The following EVL variants were observed in gnomAD, a reference collection of about 807,000 sequenced individuals.
EVL encodes the protein ena/VASP-like protein.
EVL carries 21 observed loss-of-function variants against 59.6 expected under a neutral mutation model. That is an observed-to-expected ratio of 0.35 (90% CI 0.25 to 0.51). The LOEUF (loss-of-function observed/expected upper bound fraction) is 0.51. Ranked by LOEUF, EVL falls within the 20% of genes least tolerant of loss-of-function variation. The probability of loss-of-function intolerance (pLI) is 0.97; values close to 1 mark genes in which losing one functional copy is unlikely to be tolerated. For synonymous variants in EVL, 198 were observed against 203.5 expected (o/e 0.97, Z 0.23); for missense variants, 462 against 546.6 (o/e 0.85, Z 1.54).
At chr14:100,095,353 G>C (rs1567014694) in intron 2 of EVL, among the ~76,000 whole-genome samples, 1 of 152,150 alleles carries the variant, frequency 6.6e-6, no homozygotes, top group African/African-American at 2.4e-5. Context: ...TTCTGATAGG[G>C]ACTTACCAGG....
chr14:100,112,566 C>T (rs1344949965), intron 3 of EVL, among the ~76,000 whole-genome samples: 1 of 152,200 alleles, frequency 6.6e-6, no homozygotes, highest in East Asian at 1.9e-4. Flanking sequence ...CTCTACCTCT[C>T]CTCCTTCATC....
intron 1 of EVL, among the ~76,000 whole-genome samples, chr14:100,033,274 TAACACACTTTC>T (rs2061341139): frequency 6.6e-6 from 1 of 152,208 alleles, no homozygotes; most frequent in African/African-American, 2.4e-5. Flanking sequence ...ACAAACAAGG[TAACACACTTTC>T]AAATGTGCCT....
chr14:100,115,965 C>T (rs1887315239), intron 3 of EVL, among the ~76,000 whole-genome samples: 1 of 152,202 alleles, frequency 6.6e-6, no homozygotes, highest in African/African-American at 2.4e-5. Flanking sequence ...CATCAGTGCA[C>T]TGGGGTGGAC....
chr14:100,138,052 G>A (rs542141751), intron 11 of EVL: 150 of 567,292 alleles, frequency 2.6e-4, no homozygotes, highest in African/African-American at 2.4e-3. Flanking sequence ...GCAGGGGGGG[G>A]CCAACATGGA....
chr14:100,133,595 G>A (rs992049028), intron 8 of EVL, among the ~76,000 whole-genome samples: 2 of 152,126 alleles, frequency 1.3e-5, no homozygotes, highest in African/African-American at 4.8e-5. Context: ...TGCCCCACCA[G>A]CCAACTCCCA....
At chr14:100,028,775 C>A (rs1483066696) in intron 1 of EVL, among the ~76,000 whole-genome samples, 1 of 152,216 alleles carries the variant, frequency 6.6e-6, no homozygotes, top group Non-Finnish European at 1.5e-5. Context: ...CACGCCACTG[C>A]ACTCCAGCCT....
intron 3 of EVL, among the ~76,000 whole-genome samples, chr14:100,103,450 C>T (rs532394503): frequency 5.3e-5 from 8 of 152,282 alleles, no homozygotes; most frequent in African/African-American, 1.9e-4. Flanking sequence ...AGTGCTCTCT[C>T]AGCAAAGCTT....
Position 100,114,189 on chromosome 14 carries a change from C to A in EVL, c.359-9350C>A, listed in dbSNP as rs1487037775. ...GAGGGCCGGGGGGGAATCAAATGAG[C>A]CTTACTTCTGTGAGCGGGTGCCAAC... On this transcript the variant is annotated intron_variant, in intron 3 of 13. Transcript: ENST00000392920. The surrounding 1 kb of genome is among the most constrained non-coding windows in gnomAD (Gnocchi z 5.0). Among the ~76,000 whole-genome samples the A allele has an allele frequency of 6.6e-6, 1 of 151,748 alleles. No individual in the cohort carries two copies. Among genetic ancestry groups the A allele is most frequent in the South Asian group, 2.1e-4 (1 of 4,776 alleles).
chr14:100,059,880 T>C (rs1394501024), intron 1 of EVL, among the ~76,000 whole-genome samples: 1 of 152,194 alleles, frequency 6.6e-6, no homozygotes, highest in Non-Finnish European at 1.5e-5. Context: ...TAAAGAAAGA[T>C]AGCATAATCC....
chr14:100,118,612 T>C (rs959619556), intron 3 of EVL, among the ~76,000 whole-genome samples: 10 of 152,110 alleles, frequency 6.6e-5, no homozygotes, highest in African/African-American at 2.4e-4. Flanking sequence ...CTCTCCCCAG[T>C]GAGAAGGGAC....
chr14:100,016,436 C>G (rs2061051031), intron 1 of EVL, among the ~76,000 whole-genome samples: 1 of 152,074 alleles, frequency 6.6e-6, no homozygotes, highest in Non-Finnish European at 1.5e-5. Context: ...GGCTGAAGCA[C>G]GAGAATCACT....
chr14:100,011,008 A>G (rs1328614066), intron 1 of EVL, among the ~76,000 whole-genome samples: 1 of 152,226 alleles, frequency 6.6e-6, no homozygotes, highest in Non-Finnish European at 1.5e-5. Context: ...GATTTGTCCT[A>G]AGAAAACTAA....
At chr14:100,066,041 G>A (rs1400074650) in intron 1 of EVL, among the ~76,000 whole-genome samples, 16 of 152,270 alleles carry the variant, frequency 1.1e-4, no homozygotes, top group Non-Finnish European at 7.4e-5. Flanking sequence ...ATACCAGCCA[G>A]TCTACAAACC....
At chr14:99,994,909 T>C (rs535502706) in intron 1 of EVL, among the ~76,000 whole-genome samples, 2 of 152,354 alleles carry the variant, frequency 1.3e-5, no homozygotes, top group South Asian at 2.1e-4. Context: ...AGGACAGTTT[T>C]GCTGCATGTA....
At chr14:100,054,343 G>A (rs574450995) in intron 1 of EVL, among the ~76,000 whole-genome samples, 5 of 152,236 alleles carry the variant, frequency 3.3e-5, no homozygotes, top group South Asian at 4.1e-4. Context: ...GTGAGCCAGC[G>A]TGCCCGGCTG....
At chr14:100,118,663 C>G (rs1005317577) in intron 3 of EVL, among the ~76,000 whole-genome samples, 4 of 152,222 alleles carry the variant, frequency 2.6e-5, no homozygotes, top group South Asian at 2.1e-4. Context: ...CATATAGACT[C>G]TGCCCTGAGT....
Position 100,124,016 on chromosome 14 carries a change from C to G in EVL, c.422+414C>G, listed in dbSNP as rs1321914753. Among the ~76,000 whole-genome samples, 8 of 152,208 alleles carry G rather than the reference C, an allele frequency of 5.3e-5. No homozygotes were observed. The East Asian group carries it at 1.5e-3, about 29-fold the overall frequency. On this transcript the variant is annotated intron_variant, in intron 4 of 13. Transcript: ENST00000392920. ...GGGGCTAGGGACCATAGGAATGAAC[C>G]CCCTCACCCCATGGAGCTTCTAAAG...
intron 3 of EVL, chr14:100,107,196 T>C: frequency 7.5e-6 from 3 of 398,702 alleles, no homozygotes; most frequent in Non-Finnish European, 1.3e-5. Flanking sequence ...GTAGGTCCTC[T>C]CAGAACTTAC....
intron 1 of EVL, among the ~76,000 whole-genome samples, chr14:100,023,182 C>T (rs927864812): frequency 2.7e-5 from 4 of 150,438 alleles, no homozygotes; most frequent in South Asian, 4.2e-4. Context: ...ACACAGGTCA[C>T]TTGTCCTTTT....
Sources: allele counts gnomAD v4.1 joint callset (sites outside exome capture counted in the v4.1 genomes callset), GRCh38; gene constraint gnomAD v4.1.1; non-coding constraint Gnocchi (gnomAD v3.1); transcripts MANE v1.5; gene names NCBI Gene and HGNC (gene_info 2026-07-23, HGNC 2026-07-21).